Variants in EPHA7 observed in about 807,000 individuals in gnomAD.
The protein encoded by EPHA7 is EPH receptor A7.
EPHA7 carries 25 observed loss-of-function variants against 112.6 expected under a neutral mutation model. That is an observed-to-expected ratio of 0.22 (90% confidence interval 0.16 to 0.31). The LOEUF is 0.31. EPHA7 is among the 10% of genes least tolerant of loss of function. EPHA7 has a pLI of 1.00. For synonymous variants in EPHA7, 437 were observed against 406.5 expected, an observed-to-expected ratio of 1.07 and a Z score of -0.90; for missense variants, 962 against 1,212.6, an observed-to-expected ratio of 0.79 and a Z score of 3.07.
intron 7 of EPHA7, among the ~76,000 whole-genome samples, chr6:93,265,315 C>G (rs911559331): frequency 6.6e-6 from 1 of 151,734 alleles, no homozygotes; most frequent in African/African-American, 2.4e-5. Flanking sequence ...AGTAGCTAGC[C>G]TATTTTAGAA....
rs1252903466 is a variant in EPHA7 at position 93,378,036 on chromosome 6, C to T, written c.833-19625G>A. Among the ~76,000 whole-genome samples the T allele has an allele frequency of 7.9e-5, 6 of 76,404 alleles. No individual in the cohort carries two copies. The Admixed American group carries it at 8.7e-4, about 11-fold the overall frequency. 50.1% of individuals were successfully genotyped at this position (76,404 alleles called of 152,430 possible). A position where few individuals can be genotyped will look rare whatever the true frequency, so the allele number is the denominator to read the frequency against. On this transcript the variant is annotated intron_variant, in intron 3 of 16. Transcript: ENST00000369303. The stretch of plus-strand genomic sequence containing the variant: ...AGCATTAGGTGTTATGAAAGGAGAT[C>T]ACTGTAGAAACATGGACTCTTTGGT...
chr6:93,329,234 G>A (rs900751931), intron 5 of EPHA7, among the ~76,000 whole-genome samples: 33 of 151,188 alleles, frequency 2.2e-4, no homozygotes, highest in African/African-American at 8.0e-4. Flanking sequence ...ATAAATAACT[G>A]CAGAGTATGA....
chr6:93,383,684 G>C (rs1368987171), intron 3 of EPHA7, among the ~76,000 whole-genome samples: 1 of 152,068 alleles, frequency 6.6e-6, no homozygotes, highest in Non-Finnish European at 1.5e-5. Context: ...GCTTCCTGGA[G>C]GAGTAATAGT....
intron 9 of EPHA7, among the ~76,000 whole-genome samples, chr6:93,262,447 A>C (rs1055109900): frequency 7.9e-5 from 12 of 151,360 alleles, no homozygotes; most frequent in African/African-American, 2.9e-4. Context: ...GGCTTACCCC[A>C]TATACAGTTT....
intron 5 of EPHA7, among the ~76,000 whole-genome samples, chr6:93,273,449 A>G (rs986174154): frequency 4.6e-5 from 7 of 151,980 alleles, no homozygotes; most frequent in Non-Finnish European, 1.5e-5. Flanking sequence ...AAGCCGTTTA[A>G]GCAACCTTCC....
intron 5 of EPHA7, among the ~76,000 whole-genome samples, chr6:93,289,795 C>G (rs971463857): frequency 6.6e-6 from 1 of 152,064 alleles, no homozygotes; most frequent in African/African-American, 2.4e-5. Context: ...CATATAAAAT[C>G]ATTGGTTACA....
intron 10 of EPHA7, among the ~76,000 whole-genome samples, 168 bp downstream of exon 10, chr6:93,259,186 A>AT (rs1200402913): frequency 3.3e-5 from 5 of 151,940 alleles, no homozygotes; most frequent in Non-Finnish European, 5.9e-5. Context: ...AGTTTTTCAC[A>AT]TTTTTTCATA....
chr6:93,346,982 G>T (rs546675173), intron 5 of EPHA7, among the ~76,000 whole-genome samples: 1 of 151,858 alleles, frequency 6.6e-6, no homozygotes, highest in African/African-American at 2.4e-5. Context: ...TCTATTAAGG[G>T]CAATGCATGT....
chr6:93,276,471 GC>G (rs1039927037), intron 5 of EPHA7, among the ~76,000 whole-genome samples: 2 of 152,040 alleles, frequency 1.3e-5, no homozygotes, highest in Non-Finnish European at 2.9e-5. Flanking sequence ...TCAAGTAAGA[GC>G]CAAGACCAGC....
Position 93,248,223 on chromosome 6 carries a change from C to T in EPHA7, c.2533-1238G>A, listed in dbSNP as rs79338580. Among the ~76,000 whole-genome samples the T allele has an allele frequency of 1.3e-3, 205 of 152,030 alleles. 3 individuals carry two copies. In the East Asian group the frequency reaches 0.033, roughly 24 times the overall value. Reference sequence around the variant, plus strand: ...CTTAATATTTTTAGGGAAACACATCCTTAAGATGCATGCTGACATTCAAAA... The same window carrying T: ...CTTAATATTTTTAGGGAAACACATCTTTAAGATGCATGCTGACATTCAAAA... On this transcript the variant is annotated intron_variant, in intron 14 of 16. Transcript: ENST00000369303.
At chr6:93,336,999 AG>A (rs1268279188) in intron 5 of EPHA7, among the ~76,000 whole-genome samples, 1 of 152,144 alleles carries the variant, frequency 6.6e-6, no homozygotes. Context: ...AGACATAAAA[AG>A]GAAGTATCAA....
intron 5 of EPHA7, among the ~76,000 whole-genome samples, chr6:93,303,725 ATAGG>A (rs1405851784): frequency 6.6e-6 from 1 of 152,110 alleles, no homozygotes; most frequent in Non-Finnish European, 1.5e-5. Flanking sequence ...TCATCGGTAG[ATAGG>A]TGATTTATGA....
chr6:93,398,902 C>G (rs1778308070), intron 3 of EPHA7, among the ~76,000 whole-genome samples: 1 of 152,076 alleles, frequency 6.6e-6, no homozygotes, highest in Admixed American at 6.6e-5. Flanking sequence ...AATTTCCTGT[C>G]AGGTTTATTT....
chr6:93,357,034 T>G lies in EPHA7; in HGVS notation c.1007A>C (p.Gln336Pro). 1 of 1,612,412 alleles carries G rather than the reference T, an allele frequency of 6.2e-7. No individual in the cohort carries two copies. Among genetic ancestry groups the G allele is most frequent in the Non-Finnish European group, 8.5e-7 (1 of 1,179,276 alleles). ...VACTRPPSAPQNLIFNINQTT... is the reference protein window; with the variant it reads ...VACTRPPSAPPNLIFNINQTT... ...TTGGTTGATGTTGAAAATGAGGTTC[T>G]GTGGTGCAGATGGAGGCCCTTGGGA... The change falls in exon 5 of 17, where the codon CAG becomes CCG. Residue 336 changes from glutamine to proline, a missense_variant. Coordinates refer to ENST00000369303, the MANE Select transcript of EPHA7 (RefSeq NM_004440.4).
chr6:93,335,506 A>G (rs548881892), intron 5 of EPHA7, among the ~76,000 whole-genome samples: 1 of 152,200 alleles, frequency 6.6e-6, no homozygotes, highest in South Asian at 2.1e-4. Flanking sequence ...ACTTTTTAAA[A>G]AGTGAAATAA....
intron 7 of EPHA7, 121 bp from the exon 8 acceptor site, chr6:93,264,823 T>C (rs1770853576): frequency 4.3e-6 from 2 of 460,324 alleles, no homozygotes; most frequent in East Asian, 3.7e-5. Flanking sequence ...CTGCATTATA[T>C]TGTAACAAAG....
At chr6:93,409,052 TA>T (rs1562165534) in intron 3 of EPHA7, among the ~76,000 whole-genome samples, 1 of 152,022 alleles carries the variant, frequency 6.6e-6, no homozygotes, top group African/African-American at 2.4e-5. Context: ...CAATGTTTAA[TA>T]GTCATTTTTC....
intron 5 of EPHA7, among the ~76,000 whole-genome samples, chr6:93,299,893 T>A (rs1772884463): frequency 6.6e-6 from 1 of 152,178 alleles, no homozygotes; most frequent in Non-Finnish European, 1.5e-5. Context: ...GAATACTACA[T>A]GTTCTCACTT....
chr6:93,405,707 T>C (rs1778660762), intron 3 of EPHA7, among the ~76,000 whole-genome samples: 2 of 150,558 alleles, frequency 1.3e-5, no homozygotes, highest in African/African-American at 4.9e-5. Context: ...TAATAAGTTG[T>C]GAAACCAGCA....
Sources: gnomAD v4.1 joint callset for allele counts (sites outside exome capture counted in the v4.1 genomes callset) on GRCh38, gnomAD v4.1.1 for gene constraint, MANE v1.5 for transcripts, NCBI Gene and HGNC (gene_info 2026-07-23, HGNC 2026-07-21) for gene names.